SCHIP1: variants seen among roughly 807,000 people sequenced by gnomAD.
SCHIP1 encodes the protein schwannomin interacting protein 1.
In SCHIP1, 8 loss-of-function variants were observed where a neutral mutation model predicts 29.7. The ratio of observed to expected loss-of-function variants is 0.27; its 90% CI spans 0.16 to 0.49. The LOEUF is 0.49. Ranked by LOEUF, SCHIP1 falls within the 20% of genes least tolerant of loss-of-function variation. SCHIP1 has a pLI of 0.99. For missense variants in SCHIP1, 193 were observed against 294.6 expected (o/e 0.66, Z 2.52); for synonymous variants, 76 against 94.9 (o/e 0.80, Z 1.16).
the SCHIP1 span, among the ~76,000 whole-genome samples, chr3:159,526,979 C>T: frequency 6.6e-6 from 1 of 152,206 alleles, no homozygotes; most frequent in African/African-American, 2.4e-5. Context: ...CTATCTTAAT[C>T]ATCTCATGTC....
intron 2 of SCHIP1, among the ~76,000 whole-genome samples, chr3:159,867,838 A>G (rs1714780940): frequency 6.6e-6 from 1 of 151,960 alleles, no homozygotes; most frequent in African/African-American, 2.4e-5. Context: ...GGACCATATC[A>G]TCTTATAGAT....
chr3:159,300,147 G>A, the SCHIP1 span, among the ~76,000 whole-genome samples: 2 of 62,162 alleles, frequency 3.2e-5, no homozygotes, highest in African/African-American at 8.8e-5. Context: ...TTTGAGATAG[G>A]GTCTCACTCT....
chr3:159,491,987 C>G, the SCHIP1 span, among the ~76,000 whole-genome samples: 5 of 152,204 alleles, frequency 3.3e-5, no homozygotes, highest in Non-Finnish European at 7.3e-5. Flanking sequence ...CCCAGGCAAA[C>G]AGGGTCTGGA....
chr3:159,491,586 G>A, the SCHIP1 span, among the ~76,000 whole-genome samples: 3 of 152,228 alleles, frequency 2.0e-5, no homozygotes, highest in Non-Finnish European at 4.4e-5. Flanking sequence ...CAGGCCTTGA[G>A]TAGTTAAACA....
the SCHIP1 span, among the ~76,000 whole-genome samples, chr3:159,636,472 G>A: frequency 6.6e-6 from 1 of 152,236 alleles, no homozygotes; most frequent in Non-Finnish European, 1.5e-5. Flanking sequence ...TCCATAAATT[G>A]TAAGGAAGAA....
At chr3:159,464,242 G>C in the SCHIP1 span, among the ~76,000 whole-genome samples, 1 of 152,112 alleles carries the variant, frequency 6.6e-6, no homozygotes, top group Admixed American at 6.6e-5. Flanking sequence ...ACTGGCAACT[G>C]TCTGCACATT....
the SCHIP1 span, among the ~76,000 whole-genome samples, chr3:159,692,452 T>G: frequency 6.6e-6 from 1 of 152,234 alleles, no homozygotes; most frequent in Non-Finnish European, 1.5e-5. Flanking sequence ...AATCTTGTCT[T>G]CACACTTTAT....
the SCHIP1 span, among the ~76,000 whole-genome samples, chr3:159,537,304 G>A: frequency 0.018 from 2,793 of 152,184 alleles, 96 homozygotes; most frequent in African/African-American, 0.065. Context: ...GAACCATCCT[G>A]GCTCTGTGGG....
the SCHIP1 span, among the ~76,000 whole-genome samples, chr3:159,404,097 G>A: frequency 2.6e-5 from 4 of 152,148 alleles, no homozygotes; most frequent in South Asian, 2.1e-4. Flanking sequence ...ACTGACTAAA[G>A]AGCCCTTGGG....
chr3:159,511,922 A>G, the SCHIP1 span, among the ~76,000 whole-genome samples: 2 of 152,204 alleles, frequency 1.3e-5, no homozygotes, highest in Non-Finnish European at 2.9e-5. Flanking sequence ...GAATATATTT[A>G]TGAATTAGGG....
the SCHIP1 span, among the ~76,000 whole-genome samples, chr3:159,489,874 A>T: frequency 3.9e-5 from 6 of 152,052 alleles, no homozygotes; most frequent in East Asian, 1.9e-4. Flanking sequence ...CTTTTATATT[A>T]AAAAAATTAT....
chr3:159,507,374 G>A, the SCHIP1 span, among the ~76,000 whole-genome samples: 24 of 152,240 alleles, frequency 1.6e-4, no homozygotes, highest in East Asian at 2.7e-3. Flanking sequence ...GCGCTGAGTC[G>A]ATGGGGTTTT....
chr3:159,559,005 A>G, the SCHIP1 span, among the ~76,000 whole-genome samples: 315 of 152,338 alleles, frequency 2.1e-3, 13 homozygotes, highest in East Asian at 0.052. Flanking sequence ...CTTTTAAAAA[A>G]GAATCAAAAT....
the SCHIP1 span, among the ~76,000 whole-genome samples, chr3:159,681,941 T>C: frequency 1.3e-5 from 2 of 151,904 alleles, no homozygotes; most frequent in African/African-American, 2.4e-5. Context: ...TAACTTGGGT[T>C]AACTCAATGT....
At chr3:159,371,272 G>C in the SCHIP1 span, among the ~76,000 whole-genome samples, 11 of 152,134 alleles carry the variant, frequency 7.2e-5, no homozygotes, top group Admixed American at 2.6e-4. Flanking sequence ...GAATAAATTG[G>C]AATCCTAACC....
chr3:159,743,655 G>A, the SCHIP1 span, among the ~76,000 whole-genome samples: 3 of 152,134 alleles, frequency 2.0e-5, no homozygotes, highest in Admixed American at 6.5e-5. Flanking sequence ...GCTGGAGAAC[G>A]GATTAGTACT....
the SCHIP1 span, among the ~76,000 whole-genome samples, chr3:159,491,563 G>A: frequency 6.6e-5 from 10 of 152,176 alleles, no homozygotes; most frequent in African/African-American, 1.2e-4. Flanking sequence ...GGGGAGGGGC[G>A]CCCACCAATG....
the SCHIP1 span, chr3:159,764,694 C>A: frequency 6.3e-7 from 1 of 1,578,310 alleles, no homozygotes; most frequent in South Asian, 1.2e-5. The surrounding 1 kb of genome is among the most constrained non-coding windows in gnomAD (Gnocchi z 6.1). Flanking sequence ...AAGAGGAGGA[C>A]GAGCGCGACC....
chr3:159,713,244 GAAAGAAAGA>G, the SCHIP1 span, among the ~76,000 whole-genome samples: 8 of 121,216 alleles, frequency 6.6e-5, no homozygotes, highest in East Asian at 1.9e-3. Context: ...AAGAAAGAAA[GAAAGAAAGA>G]AAGAAAGAAA....
Sources: allele counts gnomAD v4.1 joint callset (sites outside exome capture counted in the v4.1 genomes callset), GRCh38; gene constraint gnomAD v4.1.1; non-coding constraint Gnocchi (gnomAD v3.1); transcripts MANE v1.5; gene names NCBI Gene and HGNC (gene_info 2026-07-23, HGNC 2026-07-21).